The following MARCHF1 variants were observed in gnomAD, a reference collection of about 807,000 sequenced individuals.
MARCHF1 encodes E3 ubiquitin-protein ligase MARCHF1.
A neutral mutation model predicts 54.2 loss-of-function variants in MARCHF1; 40 were observed. The observed-to-expected ratio is 0.74, with a 90% CI of 0.57 to 0.96. The LOEUF is 0.96. Ranked by LOEUF, MARCHF1 falls within the 40% of genes least tolerant of loss-of-function variation. The pLI is 0.00. For synonymous variants in MARCHF1, 236 were observed against 236.3 expected (o/e 1.00, Z 0.01); for missense variants, 586 against 656.5 (o/e 0.89, Z 1.17).
chr4:163,784,429 C>A (rs547919076), intron 4 of MARCHF1, among the ~76,000 whole-genome samples: 357 of 152,166 alleles, frequency 2.3e-3, no homozygotes, highest in South Asian at 4.8e-3. Flanking sequence ...GTCTGGTGTT[C>A]TTAATAGGCA....
intron 1 of MARCHF1, among the ~76,000 whole-genome samples, chr4:164,336,019 G>C (rs1729731015): frequency 6.6e-6 from 1 of 152,248 alleles, no homozygotes; most frequent in Admixed American, 6.5e-5. Context: ...AGAATTGTTT[G>C]ATAGGAGTTA....
chr4:163,907,777 A>T lies in MARCHF1; in HGVS notation c.-38-53608T>A, dbSNP rs199521464. Among the ~76,000 whole-genome samples the T allele has an allele frequency of 5.3e-5, 8 of 152,260 alleles. No homozygotes were observed. In the East Asian group the frequency reaches 1.5e-3, roughly 29 times the overall value. ...TAAATCAAGCTGAACTATATCAATTACTAAGAAAGCCTGATTCCTTTATAT... is the reference window on the plus strand; with the variant it reads ...TAAATCAAGCTGAACTATATCAATTTCTAAGAAAGCCTGATTCCTTTATAT... On this transcript the variant is annotated intron_variant, in intron 3 of 9. Coordinates refer to ENST00000514618, the MANE Select transcript of MARCHF1 (RefSeq NM_001394959.1).
intron 4 of MARCHF1, among the ~76,000 whole-genome samples, chr4:163,848,857 A>G (rs1309358299): frequency 6.6e-6 from 1 of 152,206 alleles, no homozygotes; most frequent in Non-Finnish European, 1.5e-5. Context: ...ATTGCTCTAC[A>G]GATTAAAAAA....
chr4:164,269,207 T>C (rs550136440), intron 1 of MARCHF1, among the ~76,000 whole-genome samples: 2 of 152,248 alleles, frequency 1.3e-5, no homozygotes, highest in South Asian at 4.1e-4. Flanking sequence ...ATAAGCACTA[T>C]CACAAGGACT....
At chr4:164,101,584 A>G (rs1276602413) in intron 2 of MARCHF1, among the ~76,000 whole-genome samples, 1 of 130,030 alleles carries the variant, frequency 7.7e-6, no homozygotes, top group Non-Finnish European at 1.7e-5. Context: ...AACAAACAGA[A>G]AGGACATCCA....
Position 163,527,485 on chromosome 4 carries a change from A to AATTT in MARCHF1, c.*1259_*1262dup, listed in dbSNP as rs765643136. On this transcript the variant is annotated 3_prime_UTR_variant, in exon 10 of 10. Coordinates refer to ENST00000514618, the MANE Select transcript of MARCHF1 (RefSeq NM_001394959.1). ...CCTATTGTAAGTACTTCATAGTAAC[A>AATTT]ATTTATTTATTTCACAACTCTGCTA... 4.7e-5 allele frequency: 7 copies of AATTT among 149,334 alleles called. No individual in the cohort carries two copies. Among genetic ancestry groups the AATTT allele is most frequent in the African/African-American group, 1.5e-4 (6 of 41,126 alleles). 9.3% of individuals were successfully genotyped at this position (149,334 alleles called of 1,614,324 possible).
intron 2 of MARCHF1, among the ~76,000 whole-genome samples, chr4:164,067,084 C>T (rs1387981327): frequency 1.3e-5 from 2 of 151,990 alleles, no homozygotes; most frequent in African/African-American, 2.4e-5. Flanking sequence ...TTTGCTGCAT[C>T]CCCTAAGAGG....
intron 1 of MARCHF1, among the ~76,000 whole-genome samples, chr4:164,208,773 C>T (rs1731681427): frequency 6.6e-6 from 1 of 151,964 alleles, no homozygotes; most frequent in Non-Finnish European, 1.5e-5. Context: ...TGGTGAAATC[C>T]CATCTCTAAA....
chr4:164,160,959 T>G (rs1442531542), intron 1 of MARCHF1, among the ~76,000 whole-genome samples: 1 of 152,076 alleles, frequency 6.6e-6, no homozygotes, highest in Non-Finnish European at 1.5e-5. Context: ...ATGACAAAAA[T>G]CTAAGAATAA....
At chr4:163,841,955 T>C (rs1039322950) in intron 4 of MARCHF1, among the ~76,000 whole-genome samples, 1 of 152,122 alleles carries the variant, frequency 6.6e-6, no homozygotes, top group Non-Finnish European at 1.5e-5. Flanking sequence ...ATGGATTATT[T>C]CACCTAATAA....
chr4:163,657,942 C>T (rs1227329750), intron 5 of MARCHF1, among the ~76,000 whole-genome samples: 3 of 151,914 alleles, frequency 2.0e-5, no homozygotes, highest in Non-Finnish European at 2.9e-5. Context: ...AATGTAAAAC[C>T]GAAAACTGTA....
chr4:164,189,315 TG>T, intron 1 of MARCHF1: 1 of 598,920 alleles, frequency 1.7e-6, no homozygotes, highest in African/African-American at 2.0e-5. Context: ...AGTCCTTCTA[TG>T]AAGGAGAAGA....
chr4:164,270,438 G>A (rs115122419), intron 1 of MARCHF1, among the ~76,000 whole-genome samples: 7,623 of 151,934 alleles, frequency 0.05, 597 homozygotes, highest in African/African-American at 0.17. Context: ...CCTTTTTATC[G>A]TCTGTCTCCA....
intron 1 of MARCHF1, among the ~76,000 whole-genome samples, chr4:164,120,549 C>A (rs960015715): frequency 1.3e-5 from 2 of 152,030 alleles, no homozygotes; most frequent in African/African-American, 4.8e-5. Context: ...TTCCTCAGCA[C>A]GTGGATCATT....
chr4:163,638,177 G>A (rs1404853966), intron 5 of MARCHF1, among the ~76,000 whole-genome samples: 2 of 150,348 alleles, frequency 1.3e-5, no homozygotes, highest in Admixed American at 6.6e-5. Flanking sequence ...CACCAGCATG[G>A]CACATGTATA....
rs562735859 is a variant in MARCHF1, at chr4:163,708,840, T to A, written c.112-7977A>T. 9.9e-5 allele frequency among the ~76,000 whole-genome samples: 15 copies of A among 152,118 alleles called. No homozygotes were observed. In the South Asian group the frequency reaches 2.5e-3, roughly 25 times the overall value. ...AAGAGAGGAGATGGAGGGCAAGGAA[T>A]CTTAAAAAGCAAAAGAGAATGTTAG... On this transcript the variant is annotated intron_variant, in intron 4 of 9. Coordinates refer to ENST00000514618, the MANE Select transcript of MARCHF1 (RefSeq NM_001394959.1).
intron 4 of MARCHF1, among the ~76,000 whole-genome samples, chr4:163,845,747 C>G (rs182451543): frequency 6.6e-6 from 1 of 152,052 alleles, no homozygotes; most frequent in Non-Finnish European, 1.5e-5. Context: ...GTAGAGGAAA[C>G]GATTTATTCA....
chr4:163,695,876 T>G (rs188920391), intron 5 of MARCHF1, among the ~76,000 whole-genome samples: 1 of 152,276 alleles, frequency 6.6e-6, no homozygotes, highest in Non-Finnish European at 1.5e-5. Context: ...GAGGAACCTA[T>G]TTGTGAGTAA....
At chr4:164,249,754 C>T (rs142424425) in intron 1 of MARCHF1, among the ~76,000 whole-genome samples, 360 of 121,746 alleles carry the variant, frequency 3.0e-3, no homozygotes, top group Non-Finnish European at 5.6e-3. Flanking sequence ...AGAATACAGA[C>T]GGTTAGGATT....
Sources: allele counts gnomAD v4.1 joint callset (sites outside exome capture counted in the v4.1 genomes callset), GRCh38; gene constraint gnomAD v4.1.1; transcripts MANE v1.5; gene names NCBI Gene and HGNC (gene_info 2026-07-23, HGNC 2026-07-21).